CLCNKB: variants seen among roughly 807,000 people sequenced by gnomAD.
CLCNKB encodes chloride channel protein ClC-Kb.
A neutral mutation model predicts 83.8 loss-of-function variants in CLCNKB; 74 were observed. The observed-to-expected ratio is 0.88, with a 90% CI of 0.73 to 1.07. The LOEUF (loss-of-function observed/expected upper bound fraction) is 1.07. Ranked by LOEUF, CLCNKB falls within the 50% of genes least tolerant of loss-of-function variation. The pLI is 0.00. For missense variants in CLCNKB, 798 were observed against 893.6 expected, an observed-to-expected ratio of 0.89 and a Z score of 1.36; for synonymous variants, 358 against 356.6, an observed-to-expected ratio of 1.00 and a Z score of -0.04.
intron 4 of CLCNKB, among the ~76,000 whole-genome samples, chr1:16,047,092 GA>G (rs2023124351): frequency 1.3e-5 from 2 of 152,286 alleles, no homozygotes; most frequent in Middle Eastern, 3.4e-3. Context: ...GGAGGAACGT[GA>G]ACAACTCACA....
rs2015352 is a variant in CLCNKB, at chr1:16,044,572, G to T, written c.80G>T (p.Arg27Leu). 998,586 of 1,600,392 alleles carry T rather than the reference G, an allele frequency of 0.62. 316,956 individuals carry two copies. Among genetic ancestry groups the T allele is most frequent in the Admixed American group, 0.7 (40,599 of 57,648 alleles). Residue 27 changes from arginine (R) to leucine (L), a missense_variant, in exon 2 of 20, where the codon CGC becomes CTC. By Grantham distance (102) the Arg-to-Leu change is moderately radical. Transcript: ENST00000375679. Reference protein sequence around the residue: ...TLQELWGPCPRIRRGIRGGLE... With the variant: ...TLQELWGPCPLIRRGIRGGLE... Reference sequence around the variant, plus strand: ...CAGGAGCTGTGGGGCCCCTGTCCCCGCATCCGCCGAGGCATCCGAGGTGAG... The same window carrying T: ...CAGGAGCTGTGGGGCCCCTGTCCCCTCATCCGCCGAGGCATCCGAGGTGAG...
intron 13 of CLCNKB, 22 bp from the exon 14 acceptor site, chr1:16,051,688 C>T: frequency 6.2e-7 from 1 of 1,610,956 alleles, no homozygotes; most frequent in Non-Finnish European, 8.5e-7. Context: ...CTGGCTCCCC[C>T]TCACCCTAAG....
In CLCNKB at chr1:16,055,470, C is replaced by A. The variant is rs2023408029; in HGVS notation, c.1792C>A (p.Gln598Lys). 1 of 1,613,232 alleles carries A rather than the reference C, an allele frequency of 6.2e-7. No homozygotes were observed. Among genetic ancestry groups the A allele is most frequent in the African/African-American group, 1.3e-5 (1 of 74,796 alleles). Residue 598 changes from glutamine to lysine, a missense_variant, in exon 17 of 20, where the codon CAG becomes AAG. Transcript: ENST00000375679. ...QILVGIVRRA[Q>K]LVQALKAEPP... ...CCTGGTGGGCATAGTGCGAAGGGCC[C>A]AGCTGGTGCAGGCCCTGAAGGCTGA...
At chr1:16,049,045 T>C (rs773338509) in intron 7 of CLCNKB, 75 bp from the exon 8 acceptor site, 13 of 1,610,908 alleles carry the variant, frequency 8.1e-6, no homozygotes, top group Middle Eastern at 1.8e-4. Flanking sequence ...AGGGAGGAGG[T>C]GACATGGGGA....
At chr1:16,049,070 C>CA (rs2023197217) in intron 7 of CLCNKB, 50 bp from the exon 8 acceptor site, 3 of 1,613,316 alleles carry the variant, frequency 1.9e-6, no homozygotes, top group Non-Finnish European at 2.5e-6. Context: ...GTCCTACAGT[C>CA]ACAGGTGGGT....
In CLCNKB at chr1:16,053,652, A is replaced by T; in HGVS notation, c.1636A>T (p.Arg546Trp). Residue 546 changes from arginine to tryptophan, a missense_variant, in exon 16 of 20, where the codon AGG becomes TGG. By Grantham distance (101) the Arg-to-Trp change is moderately radical. Transcript: ENST00000375679. ...CTCTGCCTGCAGTTCCCACCGCGTG[A>T]GGGTGGAGCACTTCATGAACCACAG... ...LGRNIGSHRV[R>W]VEHFMNHSIT... 8 of 1,613,960 alleles carry T rather than the reference A, an allele frequency of 5.0e-6. No homozygotes were observed. Among genetic ancestry groups the T allele is most frequent in the Non-Finnish European group, 6.8e-6 (8 of 1,180,044 alleles).
At chr1:16,045,136 G>T (rs1052541258) in intron 2 of CLCNKB, among the ~76,000 whole-genome samples, 3 of 152,156 alleles carry the variant, frequency 2.0e-5, no homozygotes, top group Non-Finnish European at 4.4e-5. Flanking sequence ...AGCATTGCTG[G>T]GGACCCAGAG....
At chr1:16,051,685 C>T in intron 13 of CLCNKB, 25 bp from the exon 14 acceptor site, 2 of 1,609,690 alleles carry the variant, frequency 1.2e-6, no homozygotes, top group Non-Finnish European at 1.7e-6. Context: ...AGCCTGGCTC[C>T]CCCTCACCCT....
Position 16,051,832 on chromosome 1 carries a change from AG to A in CLCNKB, c.1408+16del. 1 of 1,601,976 alleles carries A rather than the reference AG, an allele frequency of 6.2e-7. No homozygotes were observed. The highest frequency in any genetic ancestry group is 8.6e-7 in the Non-Finnish European group (1 of 1,169,480). ...GTATGCTCTGGCAGGTGAGTGGGTCAGGGGCCTGCTGCGTGGGCAATGTCGT... is the reference window on the plus strand; with the variant it reads ...GTATGCTCTGGCAGGTGAGTGGGTCAGGGCCTGCTGCGTGGGCAATGTCGT... On this transcript the variant is annotated intron_variant, in intron 14 of 19. Coordinates refer to ENST00000375679, the MANE Select transcript of CLCNKB (RefSeq NM_000085.5).
At chr1:16,056,634 C>A (rs1203017055) in intron 19 of CLCNKB, 126 bp downstream of exon 19, 4 of 1,130,220 alleles carry the variant, frequency 3.5e-6, no homozygotes, top group Admixed American at 3.8e-5. Context: ...TCAGAGGATA[C>A]TGATGAGTCC....
chr1:16,044,645 T>C (rs2023042534), intron 2 of CLCNKB, 53 bp downstream of exon 2: 5 of 1,449,880 alleles, frequency 3.4e-6, no homozygotes, highest in Non-Finnish European at 4.7e-6. Context: ...AGGACATCAT[T>C]CCTGCCCAGC....
At position 16,049,742 on chromosome 1, in the gene CLCNKB, T is replaced by C. The variant is rs1442932033; in HGVS notation, c.866+40T>C. 6.0e-6 allele frequency: 9 copies of C among 1,487,960 alleles called. No individual in the cohort carries two copies. The African/African-American group carries it at 7.2e-5, about 12-fold the overall frequency. 92.2% of individuals were successfully genotyped at this position (1,487,960 alleles called of 1,614,324 possible). ...TGGGCCCCTGAGAGTCCAAAAGGCA[T>C]TCCCCCCAAGGCCTGGACTGCGGCC... On this transcript the variant is annotated intron_variant, in intron 9 of 19. Coordinates refer to ENST00000375679, the MANE Select transcript of CLCNKB (RefSeq NM_000085.5).
chr1:16,052,175 C>G, intron 14 of CLCNKB, 23 bp from the exon 15 acceptor site: 1 of 1,612,434 alleles, frequency 6.2e-7, no homozygotes, highest in Non-Finnish European at 8.5e-7. Flanking sequence ...CCTGAGCTGC[C>G]CTGCCTGACT....
intron 1 of CLCNKB, 108 bp from the exon 2 acceptor site, chr1:16,044,378 C>CACACACACA (rs146972886): frequency 1.5e-6 from 1 of 666,088 alleles, no homozygotes; most frequent in East Asian, 3.2e-5. Context: ...CACACACACA[C>CACACACACA]GCACAATCTT....
At chr1:16,048,147 G>A in intron 5 of CLCNKB, 103 bp downstream of exon 5, 1 of 1,496,028 alleles carries the variant, frequency 6.7e-7, no homozygotes, top group Non-Finnish European at 9.1e-7. Context: ...GACTTGGGCT[G>A]GTCCCTGCCT....
Position 16,055,763 on chromosome 1 carries a change from C to A in CLCNKB, c.1929+5C>A. On this transcript the variant is annotated splice_donor_5th_base_variant and intron_variant, in intron 18 of 19. Transcript: ENST00000375679. ...CCAGAGACTTCCCTGCATGAGGTAACGGGGAGAACTGGGGAGTGTGACACA... is the reference window on the plus strand; with the variant it reads ...CCAGAGACTTCCCTGCATGAGGTAAAGGGGAGAACTGGGGAGTGTGACACA... 1 of 1,613,024 alleles carries A rather than the reference C, an allele frequency of 6.2e-7. No individual in the cohort carries two copies. The highest frequency in any genetic ancestry group is 8.5e-7 in the Non-Finnish European group (1 of 1,179,320).
At chr1:16,044,179 G>A (rs1022720889) in intron 1 of CLCNKB, among the ~76,000 whole-genome samples, 3 of 151,998 alleles carry the variant, frequency 2.0e-5, no homozygotes, top group Admixed American at 6.5e-5. Flanking sequence ...TGCCACCGAA[G>A]GGGAAGGGGC....
At chr1:16,050,381 C>A in intron 10 of CLCNKB, 135 bp from the exon 11 acceptor site, 2 of 946,838 alleles carry the variant, frequency 2.1e-6, no homozygotes, top group East Asian at 2.4e-5. Flanking sequence ...CAGGTTCTGT[C>A]CCCTGGAGCT....
At chr1:16,051,108 G>A (rs1307712957) in intron 12 of CLCNKB, 60 bp downstream of exon 12, 4 of 1,611,076 alleles carry the variant, frequency 2.5e-6, no homozygotes, top group Non-Finnish European at 2.5e-6. Context: ...GGTGGTGGGG[G>A]GTACCTCATC....
Sources: gnomAD v4.1 joint callset for allele counts (sites outside exome capture counted in the v4.1 genomes callset) on GRCh38, gnomAD v4.1.1 for gene constraint, MANE v1.5 for transcripts, NCBI Gene and HGNC (gene_info 2026-07-23, HGNC 2026-07-21) for gene names.